The following SLC24A3 variants were observed in gnomAD, a reference collection of about 807,000 sequenced individuals.
The protein encoded by SLC24A3 is solute carrier family 24 member 3, also known as sodium/potassium/calcium exchanger 3.
In SLC24A3, 28 loss-of-function variants were observed where a neutral mutation model predicts 75.8. That is an observed-to-expected ratio of 0.37 (90% confidence interval 0.27 to 0.51). The LOEUF is 0.51. Among genes scored for constraint, SLC24A3 ranks in the 20% least tolerant of loss-of-function variants. SLC24A3 has a pLI of 0.94. For missense variants in SLC24A3, 663 were observed against 847.8 expected (o/e 0.78, Z 2.71); for synonymous variants, 372 against 334.1 (o/e 1.11, Z -1.24).
intron 15 of SLC24A3, among the ~76,000 whole-genome samples, chr20:19,714,494 T>C (rs2033024080): frequency 6.6e-6 from 1 of 151,440 alleles, no homozygotes; most frequent in Non-Finnish European, 1.5e-5. Context: ...CTGGGAGATG[T>C]TTGAGCTGGG....
chr20:19,523,890 T>C (rs1001839039), intron 3 of SLC24A3, among the ~76,000 whole-genome samples: 22 of 152,112 alleles, frequency 1.4e-4, no homozygotes, highest in African/African-American at 5.1e-4. Flanking sequence ...ACTTTAAAGT[T>C]CCAGCCCCTG....
chr20:19,585,382 C>A, intron 5 of SLC24A3, 59 bp from the exon 6 acceptor site: 1 of 1,516,158 alleles, frequency 6.6e-7, no homozygotes, highest in Admixed American at 1.8e-5. Flanking sequence ...GTTCCCCATG[C>A]CCACCTTGGA....
At chr20:19,535,742 T>G (rs1260802109) in intron 3 of SLC24A3, among the ~76,000 whole-genome samples, 3 of 152,174 alleles carry the variant, frequency 2.0e-5, no homozygotes, top group African/African-American at 7.2e-5. Flanking sequence ...GGACCTAGAT[T>G]GCATATTTAT....
At chr20:19,335,500 C>T (rs760421331) in intron 2 of SLC24A3, among the ~76,000 whole-genome samples, 1 of 152,194 alleles carries the variant, frequency 6.6e-6, no homozygotes, top group South Asian at 2.1e-4. Context: ...GGAATTCATT[C>T]CTGTAGGACT....
intron 6 of SLC24A3, among the ~76,000 whole-genome samples, chr20:19,608,848 C>T (rs190011964): frequency 2.0e-4 from 30 of 152,292 alleles, no homozygotes; most frequent in African/African-American, 7.2e-4. Context: ...TCCTGCTTAA[C>T]AATAGCATCT....
intron 15 of SLC24A3, among the ~76,000 whole-genome samples, chr20:19,709,408 T>G (rs536509199): frequency 6.6e-6 from 1 of 152,074 alleles, no homozygotes; most frequent in East Asian, 1.9e-4. Context: ...TAAAGTTCAT[T>G]CAGGACTCTT....
At chr20:19,556,151 CA>C (rs762866678) in intron 3 of SLC24A3, among the ~76,000 whole-genome samples, 29 of 152,062 alleles carry the variant, frequency 1.9e-4, no homozygotes, top group South Asian at 2.1e-4. Flanking sequence ...AATCACCTCC[CA>C]AAGGCCCCAC....
At chr20:19,667,841 T>G (rs2032417668) in intron 8 of SLC24A3, among the ~76,000 whole-genome samples, 1 of 152,198 alleles carries the variant, frequency 6.6e-6, no homozygotes, top group Admixed American at 6.5e-5. Flanking sequence ...TTTCCCATGA[T>G]GTTAGGTAAC....
Position 19,212,987 on chromosome 20 carries a change from G to A in SLC24A3, c.142+3G>A. Reference sequence around the variant, plus strand: ...GTCGAGCCTGCGAGAGCAGAAGGGTGAGTGCACGCTGCCTGCCCCGAGTGG... The same window carrying A: ...GTCGAGCCTGCGAGAGCAGAAGGGTAAGTGCACGCTGCCTGCCCCGAGTGG... On this transcript the variant is annotated splice_donor_region_variant and intron_variant, in intron 1 of 16. Transcript: ENST00000328041. The A allele has an allele frequency of 7.8e-7, 1 of 1,279,984 alleles. No individual in the cohort carries two copies. Among genetic ancestry groups the A allele is most frequent in the Non-Finnish European group, 9.9e-7 (1 of 1,011,434 alleles). 79.3% of individuals were successfully genotyped at this position (1,279,984 alleles called of 1,614,324 possible).
chr20:19,439,031 C>T (rs984422851), intron 2 of SLC24A3, among the ~76,000 whole-genome samples: 2 of 152,242 alleles, frequency 1.3e-5, no homozygotes. Context: ...TTCTGGGATG[C>T]AGAGTGGCCT....
chr20:19,259,759 A>G (rs1982925771), intron 1 of SLC24A3, among the ~76,000 whole-genome samples: 1 of 152,222 alleles, frequency 6.6e-6, no homozygotes, highest in Admixed American at 6.5e-5. Flanking sequence ...AGAAACATCA[A>G]AACAATTAGA....
At chr20:19,242,426 G>A (rs1982357366) in intron 1 of SLC24A3, 1 of 152,194 alleles carries the variant, frequency 6.6e-6, no homozygotes, top group Admixed American at 6.5e-5. Context: ...AGAGGTTTGG[G>A]TTGTGGGAGG....
intron 2 of SLC24A3, among the ~76,000 whole-genome samples, chr20:19,356,716 A>C (rs987518649): frequency 1.3e-5 from 2 of 152,176 alleles, no homozygotes; most frequent in African/African-American, 4.8e-5. Flanking sequence ...AGGTATGTGC[A>C]TCCTTGGTAT....
chr20:19,607,107 A>C (rs1478173311), intron 6 of SLC24A3, among the ~76,000 whole-genome samples: 1 of 152,136 alleles, frequency 6.6e-6, no homozygotes, highest in Non-Finnish European at 1.5e-5. Context: ...AACCCATAAC[A>C]TGGGACTTGC....
At chr20:19,389,786 GA>G (rs1330076529) in intron 2 of SLC24A3, among the ~76,000 whole-genome samples, 1 of 152,076 alleles carries the variant, frequency 6.6e-6, no homozygotes, top group African/African-American at 2.4e-5. Context: ...TCCAGATTTG[GA>G]AGATTTCCTG....
At chr20:19,491,796 TGCCC>T (rs1988213128) in intron 2 of SLC24A3, among the ~76,000 whole-genome samples, 1 of 152,196 alleles carries the variant, frequency 6.6e-6, no homozygotes, top group Non-Finnish European at 1.5e-5. Flanking sequence ...GTCAAAACAC[TGCCC>T]GGGAAGGCTT....
At chr20:19,270,717 T>C (rs1470579391) in intron 1 of SLC24A3, among the ~76,000 whole-genome samples, 2 of 151,960 alleles carry the variant, frequency 1.3e-5, no homozygotes, top group Non-Finnish European at 2.9e-5. Context: ...TTCCATACTT[T>C]GTAAGAAGAA....
chr20:19,631,019 T>A (rs140351809), intron 6 of SLC24A3, among the ~76,000 whole-genome samples: 11 of 152,278 alleles, frequency 7.2e-5, no homozygotes, highest in Non-Finnish European at 1.3e-4. Context: ...TCAATATGTG[T>A]GTGGAATATG....
chr20:19,711,350 ACACACATGCATG>A (rs2032989758), intron 15 of SLC24A3, among the ~76,000 whole-genome samples: 1 of 151,478 alleles, frequency 6.6e-6, no homozygotes, highest in Non-Finnish European at 1.5e-5. Flanking sequence ...CAAACATACC[ACACACATGCATG>A]CACACATGCA....
Sources: gnomAD v4.1 joint callset for allele counts (sites outside exome capture counted in the v4.1 genomes callset) on GRCh38, gnomAD v4.1.1 for gene constraint, MANE v1.5 for transcripts, NCBI Gene and HGNC (gene_info 2026-07-23, HGNC 2026-07-21) for gene names.